Variants in WLS observed in about 807,000 individuals in gnomAD.
WLS encodes the protein protein wntless homolog.
Under a neutral mutation model 62.8 loss-of-function variants are expected in WLS, and 23 were observed. The ratio of observed to expected loss-of-function variants is 0.37; its 90% CI spans 0.26 to 0.52. WLS has a LOEUF of 0.52. Among genes scored for constraint, WLS ranks in the 20% least tolerant of loss-of-function variants. The probability of loss-of-function intolerance (pLI) is 0.92; values close to 1 mark genes in which losing one functional copy is unlikely to be tolerated. For missense variants in WLS, 615 were observed against 697.3 expected (o/e 0.88, Z 1.33); for synonymous variants, 246 against 244.1 (o/e 1.01, Z -0.07).
chr1:68,163,300 T>A (rs1293348611), intron 2 of WLS, among the ~76,000 whole-genome samples: 1 of 152,190 alleles, frequency 6.6e-6, no homozygotes, highest in Non-Finnish European at 1.5e-5. Context: ...CAAAACCATT[T>A]AAGGTGATGA....
chr1:68,211,630 A>G (rs1170667974), intron 1 of WLS, among the ~76,000 whole-genome samples: 1 of 152,194 alleles, frequency 6.6e-6, no homozygotes. Context: ...CCATTCAGTG[A>G]TTGTTCTAGG....
intron 2 of WLS, among the ~76,000 whole-genome samples, chr1:68,173,413 T>C (rs74400935): frequency 0.089 from 11,668 of 131,352 alleles, 472 homozygotes; most frequent in Admixed American, 0.11. Flanking sequence ...TGCGTGCCCC[T>C]CTCTCTCTCT....
At chr1:68,166,128 T>C (rs886208696) in intron 2 of WLS, among the ~76,000 whole-genome samples, 3 of 152,390 alleles carry the variant, frequency 2.0e-5, no homozygotes, top group Admixed American at 2.0e-4. Flanking sequence ...CTGTGGTTTC[T>C]GTGCTTTAAA....
chr1:68,157,311 C>A (rs12733835), intron 3 of WLS, among the ~76,000 whole-genome samples: 50,989 of 152,120 alleles, frequency 0.34, 9,403 homozygotes, highest in Non-Finnish European at 0.42. Context: ...GAGTGAGTAA[C>A]ATGGACACCC....
intron 2 of WLS, among the ~76,000 whole-genome samples, chr1:68,185,700 A>C (rs1647895607): frequency 6.6e-6 from 1 of 152,154 alleles, no homozygotes. Context: ...TCTTCCATGA[A>C]ACCGGTCCCT....
At chr1:68,222,311 AT>A (rs962649436) in intron 1 of WLS, among the ~76,000 whole-genome samples, 2 of 152,064 alleles carry the variant, frequency 1.3e-5, no homozygotes, top group African/African-American at 4.8e-5. Context: ...AATTTAGTTG[AT>A]TTTTTTTAAA....
intron 10 of WLS, chr1:68,138,161 C>T (rs1432438079): frequency 1.8e-6 from 1 of 546,716 alleles, no homozygotes; most frequent in South Asian, 2.5e-5. Context: ...CTTACCTTGC[C>T]CACAGATTAG....
chr1:68,161,818 T>C, intron 2 of WLS: 1 of 1,604,220 alleles, frequency 6.2e-7, no homozygotes, highest in South Asian at 1.1e-5. Flanking sequence ...AGAGGGCGCC[T>C]GGGAAGGATG....
intron 1 of WLS, among the ~76,000 whole-genome samples, chr1:68,213,679 C>A (rs1462711396): frequency 6.6e-6 from 1 of 151,890 alleles, no homozygotes; most frequent in African/African-American, 2.4e-5. Context: ...CATACCAAAC[C>A]CCCATGTATC....
At chr1:68,118,267 G>A (rs1646319591) in intron 11 of WLS, among the ~76,000 whole-genome samples, 1 of 152,170 alleles carries the variant, frequency 6.6e-6, no homozygotes, top group African/African-American at 2.4e-5. Context: ...TCAAGTCATA[G>A]GAACATGAAA....
intron 11 of WLS, among the ~76,000 whole-genome samples, chr1:68,111,111 G>T (rs1391487994): frequency 6.6e-6 from 1 of 152,180 alleles, no homozygotes; most frequent in Admixed American, 6.5e-5. Context: ...CTTGACCGTG[G>T]TCTTAAGACT....
downstream of WLS, among the ~76,000 whole-genome samples, chr1:68,123,229 A>G (rs1277429235): frequency 6.6e-6 from 1 of 152,158 alleles, no homozygotes; most frequent in Admixed American, 6.5e-5. Flanking sequence ...CCACTTAAGA[A>G]GGTTACACAC....
chr1:68,110,794 A>C (rs1436646521), intron 11 of WLS, among the ~76,000 whole-genome samples: 1 of 151,864 alleles, frequency 6.6e-6, no homozygotes, highest in Non-Finnish European at 1.5e-5. Flanking sequence ...GTTGTAGATC[A>C]TGAGTGGCTT....
At chr1:68,109,522 G>A (rs1646192937) in intron 11 of WLS, among the ~76,000 whole-genome samples, 2 of 152,100 alleles carry the variant, frequency 1.3e-5, no homozygotes, top group Non-Finnish European at 2.9e-5. Flanking sequence ...AAAATATGAA[G>A]TCACAGAAAT....
At chr1:68,205,393 AT>A (rs755594378) in intron 1 of WLS, among the ~76,000 whole-genome samples, 1 of 152,178 alleles carries the variant, frequency 6.6e-6, no homozygotes, top group Non-Finnish European at 1.5e-5. Flanking sequence ...AACAATGGTA[AT>A]TTTTTTAAAA....
At chr1:68,109,687 GAAA>G (rs1234546352) in intron 11 of WLS, among the ~76,000 whole-genome samples, 4 of 151,586 alleles carry the variant, frequency 2.6e-5, no homozygotes, top group Admixed American at 6.6e-5. Flanking sequence ...TATAGCACAG[GAAA>G]AAAAGATTAT....
At chr1:68,109,704 TAAGAAAGAAG>T in intron 11 of WLS, among the ~76,000 whole-genome samples, 1 of 151,868 alleles carries the variant, frequency 6.6e-6, no homozygotes, top group Non-Finnish European at 1.5e-5. Flanking sequence ...AGATTATAAA[TAAGAAAGAAG>T]GATCAATAAT....
At chr1:68,148,019 G>A (rs1646774687) in intron 8 of WLS, 117 bp downstream of exon 8, 1 of 1,071,072 alleles carries the variant, frequency 9.3e-7, no homozygotes, top group South Asian at 1.4e-5. Flanking sequence ...ATTGGCCTGA[G>A]AATCAAAGCC....
chr1:68,206,308 A>G (rs958687677), intron 1 of WLS, among the ~76,000 whole-genome samples: 1 of 152,202 alleles, frequency 6.6e-6, no homozygotes, highest in Non-Finnish European at 1.5e-5. Context: ...CTAAATGTGG[A>G]GGAGGAATTA....
Sources: gnomAD v4.1 joint callset for allele counts (sites outside exome capture counted in the v4.1 genomes callset) on GRCh38, gnomAD v4.1.1 for gene constraint, MANE v1.5 for transcripts, NCBI Gene and HGNC (gene_info 2026-07-23, HGNC 2026-07-21) for gene names.